The following STX8 variants were observed in gnomAD, a reference collection of about 807,000 sequenced individuals.
STX8 encodes syntaxin 8.
Under a neutral mutation model 37.5 loss-of-function variants are expected in STX8, and 23 were observed. The ratio of observed to expected loss-of-function variants is 0.61; its 90% CI spans 0.44 to 0.87. The LOEUF is 0.87. Among genes scored for constraint, STX8 ranks in the 40% least tolerant of loss-of-function variants. The probability of loss-of-function intolerance (pLI) is 0.00; values close to 1 mark genes in which losing one functional copy is unlikely to be tolerated. For missense variants in STX8, 313 were observed against 284.7 expected, an observed-to-expected ratio of 1.10 and a Z score of -0.71; for synonymous variants, 115 against 99.1, an observed-to-expected ratio of 1.16 and a Z score of -0.95.
At chr17:9,532,069 A>G (rs1905841071) in intron 4 of STX8, among the ~76,000 whole-genome samples, 1 of 152,024 alleles carries the variant, frequency 6.6e-6, no homozygotes, top group Admixed American at 6.6e-5. Flanking sequence ...TCTTTGCTCC[A>G]TCAGTCATCC....
At chr17:9,403,049 A>G (rs1912679932) in intron 6 of STX8, among the ~76,000 whole-genome samples, 1 of 152,184 alleles carries the variant, frequency 6.6e-6, no homozygotes, top group Non-Finnish European at 1.5e-5. Context: ...TGACATCCAA[A>G]AGAGACAAAG....
At chr17:9,276,221 G>A (rs896783038) in intron 7 of STX8, among the ~76,000 whole-genome samples, 6 of 152,232 alleles carry the variant, frequency 3.9e-5, no homozygotes, top group African/African-American at 1.4e-4. Context: ...AGCTGGATAA[G>A]GATTATTTTC....
chr17:9,277,798 T>C (rs2142147590), intron 7 of STX8, among the ~76,000 whole-genome samples: 1 of 152,040 alleles, frequency 6.6e-6, no homozygotes, highest in Middle Eastern at 3.4e-3. Context: ...ACAGAGCAGC[T>C]AGGGATTCAT....
intron 1 of STX8, among the ~76,000 whole-genome samples, chr17:9,571,530 C>T (rs796553031): frequency 8.3e-5 from 12 of 143,774 alleles, no homozygotes; most frequent in African/African-American, 2.9e-4. Flanking sequence ...ACCCGGGAGG[C>T]AGAGGTTGCA....
chr17:9,393,810 G>A (rs1007378252), intron 6 of STX8, among the ~76,000 whole-genome samples: 5 of 152,170 alleles, frequency 3.3e-5, no homozygotes, highest in African/African-American at 1.2e-4. Flanking sequence ...TCAGTCAGTG[G>A]TTGTCAGGAG....
intron 7 of STX8, among the ~76,000 whole-genome samples, chr17:9,291,923 G>A (rs1294507874): frequency 6.6e-6 from 1 of 152,222 alleles, no homozygotes. Context: ...ATTTATTTAT[G>A]CTTTTGTGTA....
At position 9,329,121 on chromosome 17, in the gene STX8, A is replaced by G. The variant is rs369995504; in HGVS notation, c.643+49431T>C. Among the ~76,000 whole-genome samples the G allele has an allele frequency of 1.4e-3, 209 of 151,106 alleles. 1 individual carries two copies. The highest frequency in any genetic ancestry group is 4.6e-3 in the African/African-American group (189 of 41,206). ...GTCCCTAATGAATTCCCAGAGCATAATGGGACTAAGGTGCTCTGGGATTCT... is the reference window on the plus strand; with the variant it reads ...GTCCCTAATGAATTCCCAGAGCATAGTGGGACTAAGGTGCTCTGGGATTCT... On this transcript the variant is annotated intron_variant, in intron 7 of 7. Coordinates refer to ENST00000306357, the MANE Select transcript of STX8 (RefSeq NM_004853.3).
At chr17:9,546,591 G>GTTTTTTTTTTTT (rs386385626) in intron 3 of STX8, among the ~76,000 whole-genome samples, 5 of 52,206 alleles carry the variant, frequency 9.6e-5, no homozygotes, top group Non-Finnish European at 1.3e-4. Context: ...TACAAAAGTG[G>GTTTTTTTTTTTT]TTTTTTTTTT....
At chr17:9,487,723 G>C (rs1906661694) in intron 6 of STX8, among the ~76,000 whole-genome samples, 1 of 152,142 alleles carries the variant, frequency 6.6e-6, no homozygotes, top group Non-Finnish European at 1.5e-5. Context: ...ATGAGGACAG[G>C]GGAGGTGTGG....
chr17:9,306,639 C>A (rs942517091), intron 7 of STX8, among the ~76,000 whole-genome samples: 1 of 149,854 alleles, frequency 6.7e-6, no homozygotes, highest in African/African-American at 2.5e-5. Context: ...GTGGTGCATG[C>A]CTGTAATCCC....
At chr17:9,346,381 C>T (rs772283513) in intron 7 of STX8, among the ~76,000 whole-genome samples, 3 of 152,128 alleles carry the variant, frequency 2.0e-5, no homozygotes, top group Non-Finnish European at 2.9e-5. Flanking sequence ...CACGGGAGCA[C>T]ACATCTTACA....
At chr17:9,378,372 C>T in intron 7 of STX8, 180 bp downstream of exon 7, 1 of 566,440 alleles carries the variant, frequency 1.8e-6, no homozygotes, top group East Asian at 3.0e-5. Context: ...GCCCTTTGAA[C>T]TCCATTTCAT....
chr17:9,283,152 C>G (rs1444970920), intron 7 of STX8: 1 of 152,164 alleles, frequency 6.6e-6, no homozygotes, highest in Non-Finnish European at 1.5e-5. Context: ...CAAATAATAT[C>G]TTTACTCTGA....
rs1386346389 is a variant in STX8 at position 9,279,838 on chromosome 17, T to C, written c.644-29193A>G. On this transcript the variant is annotated intron_variant, in intron 7 of 7. Coordinates refer to ENST00000306357, the MANE Select transcript of STX8 (RefSeq NM_004853.3). ...ATAATGAGAACACCTAACGTGGAAA[T>C]AACAAAATAATCCACAGAAAACCCT... 2.0e-5 allele frequency among the ~76,000 whole-genome samples: 3 copies of C among 152,216 alleles called. No homozygotes were observed. The East Asian group carries it at 5.8e-4, about 29-fold the overall frequency.
intron 3 of STX8, chr17:9,556,907 G>T (rs1205441654): frequency 2.0e-5 from 3 of 151,510 alleles, no homozygotes; most frequent in Non-Finnish European, 2.9e-5. Context: ...TCCCATACTA[G>T]AGGCAGTGTC....
intron 4 of STX8, among the ~76,000 whole-genome samples, chr17:9,531,527 A>G (rs1486403452): frequency 1.3e-5 from 2 of 152,210 alleles, no homozygotes; most frequent in Non-Finnish European, 2.9e-5. Flanking sequence ...ATTATAGACA[A>G]TAAGATATTT....
At chr17:9,440,344 C>T (rs150702628) in intron 6 of STX8, among the ~76,000 whole-genome samples, 69 of 152,184 alleles carry the variant, frequency 4.5e-4, no homozygotes, top group African/African-American at 8.2e-4. Context: ...CCTTCAGATC[C>T]ATCCCCCAAA....
chr17:9,525,313 C>A (rs1474004750), intron 4 of STX8, among the ~76,000 whole-genome samples: 2 of 151,922 alleles, frequency 1.3e-5, no homozygotes, highest in African/African-American at 4.8e-5. Context: ...TCTCAGCCTC[C>A]CCCCACTGCC....
chr17:9,475,216 C>G (rs1387039614), intron 6 of STX8, among the ~76,000 whole-genome samples: 5 of 152,096 alleles, frequency 3.3e-5, no homozygotes, highest in Non-Finnish European at 5.9e-5. Context: ...CACGAAGAAG[C>G]GTTATCAATG....
Sources: allele counts gnomAD v4.1 joint callset (sites outside exome capture counted in the v4.1 genomes callset), GRCh38; gene constraint gnomAD v4.1.1; transcripts MANE v1.5; gene names NCBI Gene and HGNC (gene_info 2026-07-23, HGNC 2026-07-21).